TRPA1: variants seen among roughly 807,000 people sequenced by gnomAD.
The protein encoded by TRPA1 is ankyrin-like with transmembrane domains 1.
In TRPA1, 129 loss-of-function variants were observed where a neutral mutation model predicts 131.3. The ratio of observed to expected loss-of-function variants is 0.98; its 90% CI spans 0.85 to 1.14. The LOEUF is 1.14. Among genes scored for constraint, TRPA1 ranks in the 50% most tolerant of loss-of-function variants. The pLI is 0.00. For synonymous variants in TRPA1, 441 were observed against 451.7 expected (o/e 0.98, Z 0.30); for missense variants, 1,304 against 1,354.2 (o/e 0.96, Z 0.58).
chr8:72,024,422 T>A (rs1236896321), intron 25 of TRPA1, among the ~76,000 whole-genome samples: 1 of 152,100 alleles, frequency 6.6e-6, no homozygotes, highest in Non-Finnish European at 1.5e-5. Flanking sequence ...TGATCAAGAA[T>A]GAGGTAATTC....
intron 24 of TRPA1, among the ~76,000 whole-genome samples, chr8:72,028,651 G>A (rs941617553): frequency 4.6e-5 from 7 of 152,176 alleles, no homozygotes; most frequent in Non-Finnish European, 7.3e-5. Flanking sequence ...ATGGTTCTCA[G>A]TTGATTTTTG....
intron 16 of TRPA1, 25 bp downstream of exon 16, chr8:72,047,122 AG>A: frequency 6.6e-7 from 1 of 1,524,340 alleles, no homozygotes; most frequent in Non-Finnish European, 9.1e-7. Flanking sequence ...AATAAATTTC[AG>A]ATAATGATGA....
chr8:72,084,423 A>G, the TRPA1 span, among the ~76,000 whole-genome samples: 4 of 149,058 alleles, frequency 2.7e-5, no homozygotes, highest in Non-Finnish European at 4.5e-5. Flanking sequence ...GATTTTTTTT[A>G]TTTCTTAGAG....
At chr8:72,063,980 T>C (rs930181506) in intron 4 of TRPA1, among the ~76,000 whole-genome samples, 1 of 152,162 alleles carries the variant, frequency 6.6e-6, no homozygotes, top group African/African-American at 2.4e-5. Context: ...GTGCCACTAC[T>C]CTTGTTAAGC....
intron 23 of TRPA1, among the ~76,000 whole-genome samples, chr8:72,030,430 G>A (rs1378714689): frequency 6.6e-6 from 1 of 152,102 alleles, no homozygotes; most frequent in Non-Finnish European, 1.5e-5. Flanking sequence ...GGGAGACTGG[G>A]CATATAATCT....
At chr8:72,037,616 A>G (rs1463218833) in intron 20 of TRPA1, among the ~76,000 whole-genome samples, 2 of 152,096 alleles carry the variant, frequency 1.3e-5, no homozygotes, top group Non-Finnish European at 2.9e-5. Context: ...TGGGCCAGAT[A>G]ACTTCTTTAT....
At chr8:72,085,950 G>T in the TRPA1 span, among the ~76,000 whole-genome samples, 1 of 152,066 alleles carries the variant, frequency 6.6e-6, no homozygotes, top group Non-Finnish European at 1.5e-5. Context: ...GCCCAGGCTG[G>T]AGTGCAATGG....
chr8:72,082,742 G>A, the TRPA1 span, among the ~76,000 whole-genome samples: 1 of 149,186 alleles, frequency 6.7e-6, no homozygotes, highest in Admixed American at 6.7e-5. Context: ...ATTTTTCTCT[G>A]TCTTTCAGCA....
At chr8:72,030,115 T>G (rs1406949770) in intron 23 of TRPA1, 146 bp from the exon 24 acceptor site, 11 of 807,746 alleles carry the variant, frequency 1.4e-5, no homozygotes, top group Admixed American at 4.0e-5. Flanking sequence ...TTGCTTATGG[T>G]TCTGCAGGCT....
At chr8:72,040,836 G>T (rs899236789) in intron 17 of TRPA1, among the ~76,000 whole-genome samples, 4 of 152,006 alleles carry the variant, frequency 2.6e-5, no homozygotes, top group African/African-American at 9.7e-5. Flanking sequence ...CATACTGAAA[G>T]CAATTAACAA....
intron 4 of TRPA1, among the ~76,000 whole-genome samples, chr8:72,064,778 G>C (rs1450158144): frequency 6.6e-6 from 1 of 152,028 alleles, no homozygotes; most frequent in Non-Finnish European, 1.5e-5. Flanking sequence ...TTTGAAAAAA[G>C]TCTATTTGCC....
intron 23 of TRPA1, among the ~76,000 whole-genome samples, 170 bp downstream of exon 23, chr8:72,033,474 T>G (rs1056340922): frequency 6.6e-6 from 1 of 152,186 alleles, no homozygotes; most frequent in African/African-American, 2.4e-5. Flanking sequence ...CTGAGCCTCT[T>G]GATGTGCCTG....
At chr8:72,053,901 A>G in intron 12 of TRPA1, 34 bp from the exon 13 acceptor site, 1 of 1,516,220 alleles carries the variant, frequency 6.6e-7, no homozygotes. Flanking sequence ...GTGTGCATAC[A>G]CTTAACAGAT....
At chr8:72,032,839 C>T (rs182777283) in intron 23 of TRPA1, among the ~76,000 whole-genome samples, 22 of 152,252 alleles carry the variant, frequency 1.4e-4, no homozygotes, top group African/African-American at 5.1e-4. Flanking sequence ...TCCAAAAGCA[C>T]TGCCTAGTAC....
At chr8:72,085,995 G>A in the TRPA1 span, among the ~76,000 whole-genome samples, 2 of 152,102 alleles carry the variant, frequency 1.3e-5, no homozygotes, top group South Asian at 2.1e-4. Context: ...CTGCCTCCCG[G>A]GTTCAAGCAA....
At chr8:72,057,636 T>C (rs989950860) in intron 9 of TRPA1, 81 bp downstream of exon 9, 27 of 1,053,562 alleles carry the variant, frequency 2.6e-5, no homozygotes, top group Non-Finnish European at 4.0e-5. Flanking sequence ...ACACAATGAA[T>C]GTTCATTTGG....
the TRPA1 span, among the ~76,000 whole-genome samples, chr8:72,081,185 C>T: frequency 6.6e-6 from 1 of 151,482 alleles, no homozygotes; most frequent in Non-Finnish European, 1.5e-5. Flanking sequence ...CTCAACTTTA[C>T]AGTAGCTGCA....
In TRPA1 at chr8:72,034,265, T is replaced by A. The variant is rs1298383496; in HGVS notation, c.2668A>T (p.Ile890Phe). ...LLLAFGLSFY[I>F]LLNLQDPFSS... ...TGTCTTACCTGTAAATTCAGGAGGA[T>A]GTAAAAGCTGAGTCCAAAAGCCAGA... Residue 890 changes from isoleucine to phenylalanine, a missense_variant, in exon 22 of 27, where the codon ATC (isoleucine) becomes TTC (phenylalanine). Coordinates refer to ENST00000262209, the MANE Select transcript of TRPA1 (RefSeq NM_007332.3). 6.2e-7 allele frequency: 1 copy of A among 1,608,524 alleles called. No homozygotes were observed. The highest frequency in any genetic ancestry group is 8.5e-7 in the Non-Finnish European group (1 of 1,178,022).
At chr8:72,076,717 TC>T (rs1806194159), upstream of TRPA1, 1 of 152,010 alleles carries the variant, frequency 6.6e-6, no homozygotes, top group African/African-American at 2.4e-5. Context: ...CCATGAAAGG[TC>T]CCCCTAAATC....
Sources: gnomAD v4.1 joint callset for allele counts (sites outside exome capture counted in the v4.1 genomes callset) on GRCh38, gnomAD v4.1.1 for gene constraint, MANE v1.5 for transcripts, NCBI Gene and HGNC (gene_info 2026-07-23, HGNC 2026-07-21) for gene names.